Variants in AP1B1 observed in about 807,000 individuals in gnomAD.
AP1B1 encodes the protein AP-1 complex subunit beta-1.
A neutral mutation model predicts 104.3 loss-of-function variants in AP1B1; 36 were observed. That is an observed-to-expected ratio of 0.35 (90% confidence interval 0.26 to 0.46). The LOEUF (loss-of-function observed/expected upper bound fraction) is 0.46. Among genes scored for constraint, AP1B1 ranks in the 20% least tolerant of loss-of-function variants. The pLI, the probability that AP1B1 is intolerant of heterozygous loss-of-function variation, is 1.00. For missense variants in AP1B1, 901 were observed against 1,247.9 expected (o/e 0.72, Z 4.19); for synonymous variants, 504 against 517.5 (o/e 0.97, Z 0.35).
chr22:29,338,877 C>T, intron 16 of AP1B1, 113 bp downstream of exon 16: 1 of 1,439,390 alleles, frequency 6.9e-7, no homozygotes, highest in Non-Finnish European at 9.4e-7. Context: ...CCCAGCTTCC[C>T]TCATCACTGC....
intron 1 of AP1B1, chr22:29,370,452 CAAAAA>C (rs747171000): frequency 5.3e-5 from 3 of 56,280 alleles, no homozygotes; most frequent in Admixed American, 1.9e-4. Context: ...GACTCAGTCT[CAAAAA>C]AAAAAAAAAA....
At chr22:29,337,719 T>C (rs59999468) in intron 16 of AP1B1, among the ~76,000 whole-genome samples, 2,052 of 152,196 alleles carry the variant, frequency 0.013, 57 homozygotes, top group African/African-American at 0.046. Context: ...TGTCCTCACA[T>C]CCCAAACTCA....
intron 1 of AP1B1, among the ~76,000 whole-genome samples, chr22:29,382,751 G>A (rs1427496121): frequency 1.3e-5 from 2 of 152,156 alleles, no homozygotes; most frequent in African/African-American, 4.8e-5. Context: ...AGGTGAGTAT[G>A]TGCCTGGCAT....
Position 29,353,301 on chromosome 22 carries a change from C to T in AP1B1, c.938+1349G>A, listed in dbSNP as rs144979882. ...TCCTGGCCAAGCAAGGAGCCTTTGTCGTGCCCCATGGGAGAGGCAAGACCC... is the reference window on the plus strand; with the variant it reads ...TCCTGGCCAAGCAAGGAGCCTTTGTTGTGCCCCATGGGAGAGGCAAGACCC... On this transcript the variant is annotated intron_variant, in intron 7 of 22. Transcript: ENST00000357586. 8.5e-5 allele frequency among the ~76,000 whole-genome samples: 13 copies of T among 152,228 alleles called. No homozygotes were observed. The East Asian group carries it at 1.4e-3, about 16-fold the overall frequency.
At position 29,339,105 on chromosome 22, in the gene AP1B1, G is replaced by T. The variant is rs1312889087; in HGVS notation, c.2048C>A (p.Pro683Gln). 6.2e-7 allele frequency: 1 copy of T among 1,614,210 alleles called. No homozygotes were observed. Among genetic ancestry groups the T allele is most frequent in the East Asian group, 2.2e-5 (1 of 44,886 alleles). ...GIGGTNFVAPPTAAVPANLGA... is the reference protein window; with the variant it reads ...GIGGTNFVAPQTAAVPANLGA... Reference sequence around the variant, plus strand: ...AAGATTGGCTGGTACTGCTGCTGTTGGAGGTGCCACGAAGTTGGTGCCCCC... The same window carrying T: ...AAGATTGGCTGGTACTGCTGCTGTTTGAGGTGCCACGAAGTTGGTGCCCCC... Residue 683 changes from proline to glutamine, a missense_variant, in exon 16 of 23, where the codon CCA becomes CAA. This residue lies in a region of AP1B1 where 424 missense variants were observed against 494.0 expected (regional missense o/e 0.86). Transcript: ENST00000357586.
At position 29,327,790 on chromosome 22, in the gene AP1B1, A is replaced by G. The variant is rs2061501300; in HGVS notation, c.*1031T>C. 1 of 152,194 alleles carries G rather than the reference A, an allele frequency of 6.6e-6. No homozygotes were observed. The highest frequency in any genetic ancestry group is 1.9e-4 in the East Asian group (1 of 5,196). The allele number at this position is 152,194 out of a possible 1,614,324, so 9.4% of individuals were successfully genotyped here. A position where few individuals can be genotyped will look rare whatever the true frequency, so the allele number is the denominator to read the frequency against. On this transcript the variant is annotated 3_prime_UTR_variant, in exon 23 of 23. Coordinates refer to ENST00000357586, the MANE Select transcript of AP1B1 (RefSeq NM_001127.4). The stretch of plus-strand genomic sequence containing the variant: ...CTAGTTACCGTAGGGTCAGAAAACC[A>G]TCCCCAACCACTCGGAGGCAGCTTT...
At chr22:29,339,337 T>A (rs1166555997) in intron 15 of AP1B1, among the ~76,000 whole-genome samples, 1 of 152,066 alleles carries the variant, frequency 6.6e-6, no homozygotes, top group African/African-American at 2.4e-5. Context: ...CTGCAAGCCT[T>A]GAGCCTTAGG....
chr22:29,385,347 C>T (rs1389116176), intron 1 of AP1B1, among the ~76,000 whole-genome samples: 1 of 152,168 alleles, frequency 6.6e-6, no homozygotes, highest in Non-Finnish European at 1.5e-5. Flanking sequence ...GACAGCTCCA[C>T]TGTACTACAG....
At chr22:29,377,218 A>C (rs1051524453) in intron 1 of AP1B1, among the ~76,000 whole-genome samples, 6 of 151,336 alleles carry the variant, frequency 4.0e-5, no homozygotes, top group Admixed American at 1.3e-4. Flanking sequence ...AAAAAAAAAA[A>C]AAGGAAAAAG....
intron 1 of AP1B1, among the ~76,000 whole-genome samples, chr22:29,373,127 T>C (rs1392077213): frequency 6.6e-6 from 1 of 151,808 alleles, no homozygotes; most frequent in Non-Finnish European, 1.5e-5. Context: ...CTCTACCAAA[T>C]TAGCATGGTG....
intron 22 of AP1B1, 64 bp downstream of exon 22, chr22:29,329,648 G>C (rs2061527269): frequency 6.2e-7 from 1 of 1,609,308 alleles, no homozygotes; most frequent in Non-Finnish European, 8.5e-7. Context: ...TGGGGTGCAT[G>C]GGGGCCATGA....
intron 7 of AP1B1, among the ~76,000 whole-genome samples, chr22:29,354,192 A>G (rs1335404651): frequency 6.6e-6 from 1 of 152,216 alleles, no homozygotes; most frequent in Non-Finnish European, 1.5e-5. Context: ...TCCCCCGAAG[A>G]AATGTACACA....
At position 29,360,993 on chromosome 22, in the gene AP1B1, G is replaced by C. The variant is rs371626422; in HGVS notation, c.144-1034C>G. On this transcript the variant is annotated intron_variant, in intron 3 of 22. Coordinates refer to ENST00000357586, the MANE Select transcript of AP1B1 (RefSeq NM_001127.4). ...ACCTTGGAAGATGATGCACCAGGAA[G>C]AATGGGGAGGAGGGAGGAGGAAAAA... 2.8e-3 allele frequency among the ~76,000 whole-genome samples: 425 copies of C among 151,316 alleles called. 2 individuals carry two copies. Among genetic ancestry groups the C allele is most frequent in the South Asian group, 0.022 (108 of 4,808 alleles).
intron 1 of AP1B1, among the ~76,000 whole-genome samples, 192 bp from the exon 2 acceptor site, chr22:29,367,462 CTT>C (rs368171561): frequency 1.4e-5 from 2 of 142,550 alleles, no homozygotes. Flanking sequence ...ATCTATCAAC[CTT>C]TTTTTTTTTT....
At chr22:29,340,066 C>T (rs2061691782) in intron 14 of AP1B1, among the ~76,000 whole-genome samples, 1 of 152,106 alleles carries the variant, frequency 6.6e-6, no homozygotes, top group African/African-American at 2.4e-5. Flanking sequence ...ACCGTGCGGA[C>T]CTGAGCCGAG....
chr22:29,331,376 AGGCACCACCTT>A, intron 19 of AP1B1, 62 bp downstream of exon 19: 1 of 1,449,948 alleles, frequency 6.9e-7, no homozygotes. Context: ...ACCTTGGTAA[AGGCACCACCTT>A]GGCCAGGTTC....
At position 29,354,607 on chromosome 22, in the gene AP1B1, C is replaced by A. The variant is rs187575800; in HGVS notation, c.938+43G>T. The A allele has an allele frequency of 3.1e-4, 496 of 1,582,826 alleles. 3 individuals carry two copies. The African/African-American group carries it at 3.3e-3, about 10-fold the overall frequency. On this transcript the variant is annotated intron_variant, in intron 7 of 22. Coordinates refer to ENST00000357586, the MANE Select transcript of AP1B1 (RefSeq NM_001127.4). ...GCCCCCATTCCCAGCAGAAGAGGCT[C>A]CCCGAGGGGTACGCATGGACGTGCG...
At chr22:29,376,593 G>C (rs953317196) in intron 1 of AP1B1, among the ~76,000 whole-genome samples, 1 of 152,110 alleles carries the variant, frequency 6.6e-6, no homozygotes, top group African/African-American at 2.4e-5. Context: ...ATGAATAGCT[G>C]TCAGAAACCT....
chr22:29,340,510 C>T, intron 14 of AP1B1, 146 bp downstream of exon 14: 1 of 895,356 alleles, frequency 1.1e-6, no homozygotes, highest in Admixed American at 3.0e-5. Context: ...AAGTAGGGAG[C>T]TACACAATCA....
Sources: allele counts gnomAD v4.1 joint callset (sites outside exome capture counted in the v4.1 genomes callset), GRCh38; gene constraint gnomAD v4.1.1; regional missense constraint gnomAD v4.1.1; transcripts MANE v1.5; gene names NCBI Gene and HGNC (gene_info 2026-07-23, HGNC 2026-07-21).